NAV2: variants seen among roughly 807,000 people sequenced by gnomAD.
NAV2 encodes the protein neuron navigator 2, also known as helicase, APC down-regulated 1.
Under a neutral mutation model 223.2 loss-of-function variants are expected in NAV2, and 54 were observed. The ratio of observed to expected loss-of-function variants is 0.24; its 90% CI spans 0.19 to 0.30. The LOEUF (loss-of-function observed/expected upper bound fraction) is 0.30, where lower values mean the gene tolerates loss of function less well. Among genes scored for constraint, NAV2 ranks in the 10% least tolerant of loss-of-function variants. The pLI, the probability that NAV2 is intolerant of heterozygous loss-of-function variation, is 1.00. For synonymous variants in NAV2, 1,279 were observed against 1,239.3 expected, an observed-to-expected ratio of 1.03 and a Z score of -0.67; for missense variants, 2,806 against 3,147.5, an observed-to-expected ratio of 0.89 and a Z score of 2.60.
chr11:19,573,674 C>T (rs1263047900), intron 1 of NAV2, among the ~76,000 whole-genome samples: 2 of 152,182 alleles, frequency 1.3e-5, no homozygotes, highest in Non-Finnish European at 2.9e-5. Flanking sequence ...TGGTCACCAG[C>T]TTATAGGTAG....
In NAV2 at chr11:20,107,670, G is replaced by A. The variant is rs556578274; in HGVS notation, c.6848G>A (p.Arg2283Gln). The A allele has an allele frequency of 2.5e-5, 40 of 1,613,808 alleles. No individual in the cohort carries two copies. Among genetic ancestry groups the A allele is most frequent in the South Asian group, 7.7e-5 (7 of 91,066 alleles). ...TTTTCACTGTGGTCTCCAGGCCCCC[G>A]GCTCTTCCTGTCATGCCCCATCGAT... ...HSSSDVTIGPRLFLSCPIDVD... is the reference protein window; with the variant it reads ...HSSSDVTIGPQLFLSCPIDVD... The change falls in exon 36 of 38, where the codon CGG (arginine) becomes CAG (glutamine). Residue 2283 changes from arginine to glutamine, a missense_variant. This residue lies in a region of NAV2 where 824 missense variants were observed against 1,069.4 expected (regional missense o/e 0.77). Coordinates refer to ENST00000349880, the MANE Select transcript of NAV2 (RefSeq NM_145117.5).
At chr11:19,949,382 C>T (rs1264932824) in intron 10 of NAV2, among the ~76,000 whole-genome samples, 1 of 152,202 alleles carries the variant, frequency 6.6e-6, no homozygotes, top group African/African-American at 2.4e-5. Context: ...GGTTAGACGG[C>T]CTCCCCGGGC....
chr11:19,439,914 G>A (rs530633798), intron 1 of NAV2, among the ~76,000 whole-genome samples: 1 of 152,064 alleles, frequency 6.6e-6, no homozygotes. Context: ...GGATAATGTG[G>A]GATATTGAGA....
chr11:19,600,260 C>A (rs969169467), intron 1 of NAV2, among the ~76,000 whole-genome samples: 1 of 152,182 alleles, frequency 6.6e-6, no homozygotes, highest in Non-Finnish European at 1.5e-5. Context: ...AGAACCCCAG[C>A]ACTTCTGGCC....
rs149696432 is a variant in NAV2, at chr11:19,753,947, G to T, written c.267+39985G>T. ...GAAAGCTTGGTGGGTGGAGGTTTTG[G>T]TAATTCATGCCCGCATGACTATAAG... On this transcript the variant is annotated intron_variant, in intron 1 of 37. Coordinates refer to ENST00000349880, the MANE Select transcript of NAV2 (RefSeq NM_145117.5). Among the ~76,000 whole-genome samples, 437 of 152,306 alleles carry T rather than the reference G, an allele frequency of 2.9e-3. 4 individuals are homozygous for T. Among genetic ancestry groups the T allele is most frequent in the African/African-American group, 9.8e-3 (406 of 41,548 alleles).
chr11:19,858,445 G>A (rs967798984), intron 3 of NAV2, among the ~76,000 whole-genome samples: 20 of 152,240 alleles, frequency 1.3e-4, no homozygotes, highest in East Asian at 3.9e-4. Flanking sequence ...CACATTTTCT[G>A]TATCCATTTA....
At chr11:19,361,950 A>T (rs1853977564) in intron 1 of NAV2, among the ~76,000 whole-genome samples, 1 of 152,134 alleles carries the variant, frequency 6.6e-6, no homozygotes, top group Non-Finnish European at 1.5e-5. Flanking sequence ...AATGATGCCC[A>T]AATATCATGG....
At chr11:19,586,823 T>A (rs2045914243) in intron 1 of NAV2, among the ~76,000 whole-genome samples, 1 of 152,128 alleles carries the variant, frequency 6.6e-6, no homozygotes, top group South Asian at 2.1e-4. Flanking sequence ...TACTTGGGGG[T>A]CAGGGACCCA....
chr11:20,061,605 G>A (rs954002225), intron 19 of NAV2, among the ~76,000 whole-genome samples: 1 of 151,956 alleles, frequency 6.6e-6, no homozygotes, highest in African/African-American at 2.4e-5. Context: ...ACTGGCTGGG[G>A]GCAGGAAGGG....
At chr11:19,779,638 ACT>A (rs2056584319) in intron 1 of NAV2, among the ~76,000 whole-genome samples, 1 of 151,760 alleles carries the variant, frequency 6.6e-6, no homozygotes, top group Non-Finnish European at 1.5e-5. Context: ...CTGTTTTACA[ACT>A]CTCTTTCCCC....
intron 24 of NAV2, among the ~76,000 whole-genome samples, chr11:20,078,467 C>CT (rs889994051): frequency 2.3e-4 from 35 of 151,838 alleles, no homozygotes; most frequent in African/African-American, 7.2e-4. Context: ...GAAAAGATTT[C>CT]TTTTTTTTTC....
At chr11:20,017,304 A>T (rs1285077035) in intron 11 of NAV2, among the ~76,000 whole-genome samples, 1 of 152,036 alleles carries the variant, frequency 6.6e-6, no homozygotes, top group African/African-American at 2.4e-5. Context: ...CCTCCAGCAC[A>T]CCCAGCCTCT....
At chr11:20,081,418 C>T (rs1265263969) in intron 25 of NAV2, among the ~76,000 whole-genome samples, 2 of 152,144 alleles carry the variant, frequency 1.3e-5, no homozygotes, top group East Asian at 1.9e-4. Context: ...AGAAATAAAA[C>T]GTGCTTATGT....
chr11:19,728,502 G>A (rs935484112), intron 1 of NAV2, among the ~76,000 whole-genome samples: 1 of 152,224 alleles, frequency 6.6e-6, no homozygotes, highest in Non-Finnish European at 1.5e-5. Context: ...AAGTGGAAAA[G>A]AGCGAGTGGT....
chr11:19,793,599 C>T (rs2057696355), intron 1 of NAV2, among the ~76,000 whole-genome samples: 2 of 152,232 alleles, frequency 1.3e-5, no homozygotes, highest in African/African-American at 4.8e-5. Flanking sequence ...GGGCTTCCTG[C>T]TTCTGCTCCC....
At chr11:19,349,562 T>C (rs1853183148), upstream of NAV2, among the ~76,000 whole-genome samples, 1 of 152,150 alleles carries the variant, frequency 6.6e-6, no homozygotes, top group South Asian at 2.1e-4. Flanking sequence ...ATGGCCTGAA[T>C]TGTAGAATGG....
chr11:19,840,789 C>T (rs962243461), intron 2 of NAV2, among the ~76,000 whole-genome samples: 5 of 152,138 alleles, frequency 3.3e-5, no homozygotes, highest in African/African-American at 1.2e-4. Flanking sequence ...ATCAAGATTT[C>T]TTGATTCATT....
intron 1 of NAV2, among the ~76,000 whole-genome samples, chr11:19,415,011 C>T (rs900647422): frequency 6.6e-6 from 1 of 152,136 alleles, no homozygotes; most frequent in African/African-American, 2.4e-5. Context: ...CTAAAATTGA[C>T]ACCCTAACAT....
intron 1 of NAV2, among the ~76,000 whole-genome samples, chr11:19,657,874 C>T (rs937058308): frequency 4.6e-5 from 7 of 152,044 alleles, no homozygotes; most frequent in Non-Finnish European, 7.4e-5. Flanking sequence ...CTCATCAGAG[C>T]AGGGACAGAG....
Sources: allele counts gnomAD v4.1 joint callset (sites outside exome capture counted in the v4.1 genomes callset), GRCh38; gene constraint gnomAD v4.1.1; regional missense constraint gnomAD v4.1.1; transcripts MANE v1.5; gene names NCBI Gene and HGNC (gene_info 2026-07-23, HGNC 2026-07-21).